NPHP4: variants seen among roughly 807,000 people sequenced by gnomAD.
The protein encoded by NPHP4 is nephrocystin-4.
NPHP4 carries 151 observed loss-of-function variants against 155.8 expected under a neutral mutation model. The ratio of observed to expected loss-of-function variants is 0.97; its 90% CI spans 0.85 to 1.11. The LOEUF (loss-of-function observed/expected upper bound fraction) is 1.11. Ranked by LOEUF, NPHP4 falls within the 50% of genes least tolerant of loss-of-function variation. NPHP4 has a pLI of 0.00. For missense variants in NPHP4, 1,956 were observed against 1,925.7 expected (o/e 1.02, Z -0.29); for synonymous variants, 845 against 816.8 (o/e 1.03, Z -0.59).
chr1:5,927,719 T>C lies in NPHP4; in HGVS notation c.1371A>G (p.Ala457=). 1 of 1,613,426 alleles carries C rather than the reference T, an allele frequency of 6.2e-7. No individual in the cohort carries two copies. ...FSLGSEEHLD[A]PTEPVSGPKV... is the part of the protein sequence containing the mutation. ...TGGGGCCACTGACAGGCTCCGTGGGTGCATCCAGGTGTTCTTCTGAGCCCA... is the reference window on the plus strand; with the variant it reads ...TGGGGCCACTGACAGGCTCCGTGGGCGCATCCAGGTGTTCTTCTGAGCCCA... Residue 457 remains alanine, a synonymous_variant, in exon 11 of 30, where the codon GCA becomes GCG. Coordinates refer to ENST00000378156, the MANE Select transcript of NPHP4 (RefSeq NM_015102.5).
intron 29 of NPHP4, 94 bp from the exon 30 acceptor site, chr1:5,863,499 G>T: frequency 2.0e-6 from 3 of 1,492,486 alleles, no homozygotes; most frequent in Non-Finnish European, 2.8e-6. Context: ...ATTTCCAAGG[G>T]GAGCTGACAA....
chr1:5,864,754 G>A, intron 27 of NPHP4: 1 of 546,980 alleles, frequency 1.8e-6, no homozygotes, highest in Non-Finnish European at 3.2e-6. Flanking sequence ...TCCGCAGACA[G>A]AACTGAAGCC....
intron 16 of NPHP4, among the ~76,000 whole-genome samples, 182 bp downstream of exon 16, chr1:5,904,435 G>A (rs998140267): frequency 6.6e-6 from 1 of 152,216 alleles, no homozygotes; most frequent in Non-Finnish European, 1.5e-5. Flanking sequence ...GGGGGAGGAC[G>A]CTGGGTTGGG....
Position 5,948,243 on chromosome 1 carries a change from G to A in NPHP4, c.819C>T (p.Gly273=), listed in dbSNP as rs757291395. The change falls in exon 8 of 30, where the codon GGC becomes GGT. Residue 273 remains glycine (G), a synonymous_variant. Transcript: ENST00000378156. ...TCTCCAGGGCACCACCGTCCAGTGG[G>A]CCACATCCCTGGAAGAGGCACAGAA... is the stretch of plus-strand genomic sequence containing the variant. The part of the protein sequence containing the change: ...HVQDHFQEGC[G]PLDGGALEIL... 2.6e-6 allele frequency: 4 copies of A among 1,568,608 alleles called. No individual in the cohort carries two copies. The highest frequency in any genetic ancestry group is 2.3e-5 in the South Asian group (2 of 86,638).
intron 3 of NPHP4, 32 bp downstream of exon 3, chr1:5,978,238 G>C (rs1654044905): frequency 6.3e-7 from 1 of 1,589,134 alleles, no homozygotes; most frequent in Non-Finnish European, 8.6e-7. Context: ...CTCCGCCTTG[G>C]AGCAGCCCCT....
chr1:5,870,194 G>A (rs1045212717), intron 23 of NPHP4, among the ~76,000 whole-genome samples: 32 of 152,286 alleles, frequency 2.1e-4, no homozygotes, highest in Middle Eastern at 3.4e-3. Context: ...AGCCTGGGGC[G>A]TCTTGCTGTG....
At position 5,890,948 on chromosome 1, in the gene NPHP4, G is replaced by C; in HGVS notation, c.2224C>G (p.Leu742Val). Residue 742 changes from leucine to valine, a missense_variant, in exon 17 of 30, where the codon CTG (leucine) becomes GTG (valine). By Grantham distance (32) the Leu-to-Val change is conservative (BLOSUM62 1). Coordinates refer to ENST00000378156, the MANE Select transcript of NPHP4 (RefSeq NM_015102.5). The surrounding 1 kb of genome is among the most constrained non-coding windows in gnomAD (Gnocchi z 4.9). ...PGERRCFARY[L>V]AVQTLQIDVW... ...TCAATCTGCAGGGTCTGCACGGCCA[G>C]GTAGCGGGCAAAGCAGCGCCGCTCA... is the stretch of plus-strand genomic sequence containing the variant. 1 of 1,605,960 alleles carries C rather than the reference G, an allele frequency of 6.2e-7. No individual in the cohort carries two copies. Among genetic ancestry groups the C allele is most frequent in the South Asian group, 1.1e-5 (1 of 90,208 alleles).
At chr1:5,958,650 G>A (rs1216732412) in intron 6 of NPHP4, among the ~76,000 whole-genome samples, 1 of 150,962 alleles carries the variant, frequency 6.6e-6, no homozygotes, top group Non-Finnish European at 1.5e-5. Flanking sequence ...AGCCGAGATT[G>A]TGCCACTTCA....
At chr1:5,874,146 A>T (rs1267058201) in intron 22 of NPHP4, among the ~76,000 whole-genome samples, 1 of 152,078 alleles carries the variant, frequency 6.6e-6, no homozygotes, top group East Asian at 1.9e-4. Flanking sequence ...GGGACCAAAC[A>T]ACATTAACTG....
intron 3 of NPHP4, among the ~76,000 whole-genome samples, 191 bp downstream of exon 3, chr1:5,978,079 G>A (rs1166973639): frequency 6.6e-6 from 1 of 151,570 alleles, no homozygotes; most frequent in Non-Finnish European, 1.5e-5. Context: ...AAGACAACTG[G>A]CTTCCACATA....
At chr1:5,955,426 T>G (rs912668825) in intron 6 of NPHP4, among the ~76,000 whole-genome samples, 3 of 152,236 alleles carry the variant, frequency 2.0e-5, no homozygotes, top group African/African-American at 7.2e-5. Flanking sequence ...CAAAGAGATA[T>G]CGCCACTCCC....
At chr1:5,942,730 G>T (rs549995650) in intron 9 of NPHP4, among the ~76,000 whole-genome samples, 34 of 152,164 alleles carry the variant, frequency 2.2e-4, no homozygotes, top group African/African-American at 8.0e-4. Context: ...CAGTTCAACA[G>T]ACCCTGGAAC....
At chr1:5,872,246 C>T (rs944649654) in intron 23 of NPHP4, among the ~76,000 whole-genome samples, 4 of 152,232 alleles carry the variant, frequency 2.6e-5, no homozygotes, top group Non-Finnish European at 5.9e-5. Flanking sequence ...ACAGAAACCT[C>T]GACCTCTGGG....
Position 5,966,564 on chromosome 1 carries a change from C to T in NPHP4, c.517+735G>A, listed in dbSNP as rs1651535816. 3.3e-5 allele frequency among the ~76,000 whole-genome samples: 5 copies of T among 152,244 alleles called. No homozygotes were observed. The South Asian group carries it at 1.0e-3, about 32-fold the overall frequency. ...GTCTGGCCAGGTTTGACTTTTAACA[C>T]AAGCCACGAGGCACACATGACATCC... is the stretch of plus-strand genomic sequence containing the variant. On this transcript the variant is annotated intron_variant, in intron 5 of 29. Coordinates refer to ENST00000378156, the MANE Select transcript of NPHP4 (RefSeq NM_015102.5).
intron 11 of NPHP4, among the ~76,000 whole-genome samples, chr1:5,919,297 CTTTTT>C (rs1344583196): frequency 6.6e-6 from 1 of 152,192 alleles, no homozygotes; most frequent in Non-Finnish European, 1.5e-5. Flanking sequence ...GTCATTCTCT[CTTTTT>C]TAATACTTTT....
intron 23 of NPHP4, 40 bp downstream of exon 23, chr1:5,873,212 G>C: frequency 6.5e-7 from 1 of 1,535,868 alleles, no homozygotes; most frequent in Non-Finnish European, 9.0e-7. Context: ...GGAATACCCA[G>C]GAAGCCCCGA....
chr1:5,926,812 C>T (rs1646029405), intron 11 of NPHP4, among the ~76,000 whole-genome samples: 1 of 152,206 alleles, frequency 6.6e-6, no homozygotes, highest in Non-Finnish European at 1.5e-5. Context: ...CCCAGAGGAA[C>T]ACAAAGCTCC....
chr1:5,948,308 A>C, intron 7 of NPHP4, 57 bp from the exon 8 acceptor site: 1 of 1,365,720 alleles, frequency 7.3e-7, no homozygotes, highest in Non-Finnish European at 9.8e-7. Flanking sequence ...GGAGCTCGCC[A>C]GAAGTCCCTG....
intron 6 of NPHP4, among the ~76,000 whole-genome samples, chr1:5,957,934 A>G (rs1649562072): frequency 6.6e-6 from 1 of 152,236 alleles, no homozygotes; most frequent in Non-Finnish European, 1.5e-5. Context: ...AGAGAGACCT[A>G]TGACCTCCCT....
Sources: allele counts gnomAD v4.1 joint callset (sites outside exome capture counted in the v4.1 genomes callset), GRCh38; gene constraint gnomAD v4.1.1; non-coding constraint Gnocchi (gnomAD v3.1); transcripts MANE v1.5; gene names NCBI Gene and HGNC (gene_info 2026-07-23, HGNC 2026-07-21).